Variants in LDLRAD4 observed in about 807,000 individuals in gnomAD.
LDLRAD4 encodes low density lipoprotein receptor class A domain containing 4, also known as low-density lipoprotein receptor class A domain-containing protein 4.
Under a neutral mutation model 17.0 loss-of-function variants are expected in LDLRAD4, and 5 were observed. The observed-to-expected ratio is 0.29, with a 90% CI of 0.15 to 0.62. LDLRAD4 has a LOEUF of 0.62. Ranked by LOEUF, LDLRAD4 falls within the 20% of genes least tolerant of loss-of-function variation. The probability of loss-of-function intolerance (pLI) is 0.84; values close to 1 mark genes in which losing one functional copy is unlikely to be tolerated. For missense variants in LDLRAD4, 340 were observed against 424.7 expected (o/e 0.80, Z 1.75); for synonymous variants, 168 against 171.8 (o/e 0.98, Z 0.17).
At chr18:13,411,493 C>T (rs537132648) in intron 2 of LDLRAD4, among the ~76,000 whole-genome samples, 7 of 152,296 alleles carry the variant, frequency 4.6e-5, no homozygotes, top group East Asian at 1.9e-4. Context: ...TCCCACCTGT[C>T]GTGAGAGGGA....
intron 3 of LDLRAD4, among the ~76,000 whole-genome samples, chr18:13,527,987 C>T (rs1208613865): frequency 6.6e-6 from 1 of 152,186 alleles, no homozygotes; most frequent in Non-Finnish European, 1.5e-5. Flanking sequence ...CGGCTCCTGC[C>T]CTCCATGTAG....
intron 3 of LDLRAD4, among the ~76,000 whole-genome samples, chr18:13,566,262 G>T (rs2094599907): frequency 6.6e-6 from 1 of 152,138 alleles, no homozygotes; most frequent in South Asian, 2.1e-4. Flanking sequence ...TCCTGTTCCT[G>T]TCTCTGGAAG....
chr18:13,258,009 A>G (rs1483262060), intron 1 of LDLRAD4, among the ~76,000 whole-genome samples: 2 of 152,216 alleles, frequency 1.3e-5, no homozygotes, highest in African/African-American at 2.4e-5. Context: ...TGATCATACC[A>G]CTGCACTTCA....
chr18:13,557,784 A>G (rs866529993), intron 3 of LDLRAD4, among the ~76,000 whole-genome samples: 6 of 152,322 alleles, frequency 3.9e-5, no homozygotes, highest in South Asian at 2.1e-4. Flanking sequence ...GCATTGTAAT[A>G]TATGTGTTAT....
intron 2 of LDLRAD4, among the ~76,000 whole-genome samples, chr18:13,393,470 GT>G (rs2086426191): frequency 1.3e-5 from 2 of 152,144 alleles, no homozygotes; most frequent in Non-Finnish European, 2.9e-5. Context: ...AGCCACAAAT[GT>G]TTTGGGGGTC....
At chr18:13,227,228 G>C (rs118054774) in intron 1 of LDLRAD4, among the ~76,000 whole-genome samples, 1 of 152,280 alleles carries the variant, frequency 6.6e-6, no homozygotes, top group Non-Finnish European at 1.5e-5. Flanking sequence ...GACCTCTTAA[G>C]CTGTTGCTCC....
intron 1 of LDLRAD4, among the ~76,000 whole-genome samples, chr18:13,252,331 G>T (rs559534591): frequency 6.6e-6 from 1 of 152,264 alleles, no homozygotes; most frequent in Admixed American, 6.5e-5. Flanking sequence ...GTTTCATCAT[G>T]TTGGTCAGGC....
At chr18:13,650,515 T>A (rs1179570234) in exon 6 of LDLRAD4, 1 of 397,162 alleles carries the variant, frequency 2.5e-6, no homozygotes, top group Non-Finnish European at 4.4e-6. Flanking sequence ...GTGCCTCATG[T>A]TCTGAGTTCA....
chr18:13,535,609 T>G (rs935642962), intron 3 of LDLRAD4, among the ~76,000 whole-genome samples: 3 of 152,226 alleles, frequency 2.0e-5, no homozygotes, highest in Non-Finnish European at 4.4e-5. Flanking sequence ...GTCTGTGGTT[T>G]GTTTTTTGTT....
At chr18:13,390,019 C>T (rs996084791) in intron 2 of LDLRAD4, among the ~76,000 whole-genome samples, 4 of 152,134 alleles carry the variant, frequency 2.6e-5, no homozygotes, top group Admixed American at 6.5e-5. Context: ...TAAAAGCTTT[C>T]TATATTGGTA....
intron 1 of LDLRAD4, among the ~76,000 whole-genome samples, chr18:13,262,879 C>G (rs1424255454): frequency 3.5e-5 from 2 of 56,558 alleles, no homozygotes; most frequent in Non-Finnish European, 6.8e-5. Context: ...CCCGTGCGGC[C>G]CTGTGCGTGG....
intron 1 of LDLRAD4, among the ~76,000 whole-genome samples, chr18:13,337,716 G>C (rs1408387061): frequency 1.5e-5 from 2 of 131,314 alleles, no homozygotes; most frequent in African/African-American, 3.2e-5. Context: ...GGTCAACATA[G>C]CAAAACCTTG....
chr18:13,599,122 G>T (rs371341106), intron 3 of LDLRAD4, among the ~76,000 whole-genome samples: 2 of 152,198 alleles, frequency 1.3e-5, no homozygotes, highest in East Asian at 3.8e-4. Flanking sequence ...CTGCAACAGG[G>T]ACGTGCTGTG....
chr18:13,624,086 T>C (rs1189817004), intron 4 of LDLRAD4, among the ~76,000 whole-genome samples: 1 of 152,136 alleles, frequency 6.6e-6, no homozygotes, highest in East Asian at 1.9e-4. Context: ...CGTCCTACAG[T>C]GCACAGGCAG....
chr18:13,219,069 C>CT (rs5823242), intron 1 of LDLRAD4, 81 bp downstream of exon 1: 82,459 of 137,002 alleles, frequency 0.6, 25,385 homozygotes, highest in Non-Finnish European at 0.69. Context: ...CTTGTTTAAA[C>CT]TTTTTTTTTT....
intron 1 of LDLRAD4, among the ~76,000 whole-genome samples, chr18:13,269,835 CT>C: frequency 6.6e-6 from 1 of 152,344 alleles, no homozygotes; most frequent in East Asian, 1.9e-4. Context: ...CTGGTATCCC[CT>C]TGGATGTTCT....
intron 3 of LDLRAD4, among the ~76,000 whole-genome samples, chr18:13,503,269 G>A (rs1485997493): frequency 1.3e-5 from 2 of 152,202 alleles, no homozygotes; most frequent in Non-Finnish European, 2.9e-5. Context: ...GCATTGAAAA[G>A]TGCAGCACTT....
chr18:13,347,688 C>T (rs544307228), intron 1 of LDLRAD4, among the ~76,000 whole-genome samples: 1 of 152,306 alleles, frequency 6.6e-6, no homozygotes, highest in South Asian at 2.1e-4. Flanking sequence ...GTTCCATTCT[C>T]CCCGTCACTT....
At chr18:13,460,805 C>T (rs2092389284) in intron 3 of LDLRAD4, among the ~76,000 whole-genome samples, 3 of 152,028 alleles carry the variant, frequency 2.0e-5, no homozygotes, top group African/African-American at 7.2e-5. Context: ...TTATAAACTT[C>T]CTAAGATAAA....
Sources: gnomAD v4.1 joint callset for allele counts (sites outside exome capture counted in the v4.1 genomes callset) on GRCh38, gnomAD v4.1.1 for gene constraint, MANE v1.5 for transcripts, NCBI Gene and HGNC (gene_info 2026-07-23, HGNC 2026-07-21) for gene names.